Variants in ARF3 observed in about 807,000 individuals in gnomAD.
ARF3 encodes the protein ADP-ribosylation factor 3.
ARF3 carries 5 observed loss-of-function variants against 19.3 expected under a neutral mutation model. That is an observed-to-expected ratio of 0.26 (90% CI 0.14 to 0.54). The LOEUF (loss-of-function observed/expected upper bound fraction) is 0.54, where lower values mean the gene tolerates loss of function less well. Ranked by LOEUF, ARF3 falls within the 20% of genes least tolerant of loss-of-function variation. ARF3 has a pLI of 0.95. For missense variants in ARF3, 77 were observed against 234.2 expected (o/e 0.33, Z 4.38); for synonymous variants, 71 against 89.2 (o/e 0.80, Z 1.15).
Position 48,939,805 on chromosome 12 carries a change from C to T in ARF3, c.260-26G>A. On this transcript the variant is annotated intron_variant, in intron 3 of 4. Coordinates refer to ENST00000256682, the MANE Select transcript of ARF3 (RefSeq NM_001659.3). This position sits in a 1 kb window ranked among gnomAD's most constrained non-coding sequence, Gnocchi z 4.8. Reference sequence around the variant, plus strand: ...CTAGGAAGGCAGAGCATGGGCTGCACTAAGATGACAGGTAACCCCCTCCCC... The same window carrying T: ...CTAGGAAGGCAGAGCATGGGCTGCATTAAGATGACAGGTAACCCCCTCCCC... 1 of 1,613,498 alleles carries T rather than the reference C, an allele frequency of 6.2e-7. No homozygotes were observed. The highest frequency in any genetic ancestry group is 8.5e-7 in the Non-Finnish European group (1 of 1,179,674).
chr12:48,939,029 A>G lies in ARF3; in HGVS notation c.464T>C (p.Ile155Thr), dbSNP rs369528635. 6.2e-7 allele frequency: 1 copy of G among 1,613,858 alleles called. No individual in the cohort carries two copies. The highest frequency in any genetic ancestry group is 1.7e-4 in the Middle Eastern group (1 of 5,788). The change falls in exon 5 of 5, where the codon ATT (isoleucine) becomes ACT (threonine). Residue 155 changes from isoleucine to threonine, a missense_variant. Transcript: ENST00000256682. The surrounding 1 kb of genome is among the most constrained non-coding windows in gnomAD (Gnocchi z 4.8). ...CCCGCTGGTGGCACAGGTGGCCTGA[A>G]TGTACCAGTTACGGTGACGAAGGGA... The part of the protein sequence containing the change: ...LHSLRHRNWY[I>T]QATCATSGDG...
intron 1 of ARF3, among the ~76,000 whole-genome samples, chr12:48,944,995 TA>T (rs78843695): frequency 0.34 from 48,232 of 142,056 alleles, 8,573 homozygotes; most frequent in Admixed American, 0.49. Flanking sequence ...ATTAAAAATA[TA>T]AAAATTAGCT....
At chr12:48,955,901 G>A (rs1421752738) in intron 1 of ARF3, 1 of 152,204 alleles carries the variant, frequency 6.6e-6, no homozygotes, top group African/African-American at 2.4e-5. Context: ...TTCATTCGGT[G>A]AAAAGCTGAA....
intron 1 of ARF3, among the ~76,000 whole-genome samples, chr12:48,954,573 C>T (rs1286440232): frequency 1.3e-5 from 2 of 152,122 alleles, no homozygotes; most frequent in African/African-American, 4.8e-5. Context: ...ACCTTCTTTA[C>T]AGATGAAGAA....
At chr12:48,946,225 C>T (rs1940356737) in intron 1 of ARF3, among the ~76,000 whole-genome samples, 1 of 152,224 alleles carries the variant, frequency 6.6e-6, no homozygotes. Context: ...TGCCCTACCA[C>T]CAAGATGGTA....
intron 1 of ARF3, among the ~76,000 whole-genome samples, chr12:48,944,572 C>T (rs1940322181): frequency 6.6e-6 from 1 of 152,220 alleles, no homozygotes; most frequent in South Asian, 2.1e-4. Flanking sequence ...AATCTGTCCT[C>T]CCTCTAGTGC....
chr12:48,944,670 G>A (rs1812807354), intron 1 of ARF3, among the ~76,000 whole-genome samples: 1 of 152,170 alleles, frequency 6.6e-6, no homozygotes, highest in African/African-American at 2.4e-5. Context: ...CTGTCCAGTA[G>A]GATTTGGTAT....
rs943716225 is a variant in ARF3 at position 48,939,569 on chromosome 12, G to C, written c.384+86C>G. On this transcript the variant is annotated intron_variant, in intron 4 of 4. Transcript: ENST00000256682. The surrounding 1 kb of genome is among the most constrained non-coding windows in gnomAD (Gnocchi z 4.8). The stretch of plus-strand genomic sequence containing the variant: ...TCTAACATTGAGAGCATACTAAAAG[G>C]GTTAACCATATAATAGGCCCAAGAG... 8.9e-6 allele frequency: 14 copies of C among 1,578,410 alleles called. No individual in the cohort carries two copies. The highest frequency in any genetic ancestry group is 8.1e-5 in the African/African-American group (6 of 74,120).
In ARF3 at chr12:48,939,448, A is replaced by C. The variant is rs1020348132; in HGVS notation, c.384+207T>G. ...ACAGGCAAGATGAAAGAAAGATTTG[A>C]GACAATTCCTGAGGACTGAAATGTT... is the stretch of plus-strand genomic sequence containing the variant. On this transcript the variant is annotated intron_variant, in intron 4 of 4. Coordinates refer to ENST00000256682, the MANE Select transcript of ARF3 (RefSeq NM_001659.3). This position sits in a 1 kb window ranked among gnomAD's most constrained non-coding sequence, Gnocchi z 4.8. Among the ~76,000 whole-genome samples, 12 of 152,184 alleles carry C rather than the reference A, an allele frequency of 7.9e-5. No homozygotes were observed. Among genetic ancestry groups the C allele is most frequent in the African/African-American group, 2.9e-4 (12 of 41,438 alleles).
chr12:48,956,524 TC>T lies in ARF3; in HGVS notation c.-94+785del, dbSNP rs1454850717. ...ATGGCTCCATTTTCTGTTCCGGGAATCCTGGTACTTCCTAAAGAAAGAAAGC... is the reference window on the plus strand; with the variant it reads ...ATGGCTCCATTTTCTGTTCCGGGAATCTGGTACTTCCTAAAGAAAGAAAGC... On this transcript the variant is annotated intron_variant, in intron 1 of 4. Coordinates refer to ENST00000256682, the MANE Select transcript of ARF3 (RefSeq NM_001659.3). 4 of 152,238 alleles carry T rather than the reference TC, an allele frequency of 2.6e-5. No individual in the cohort carries two copies. In the East Asian group the frequency reaches 7.7e-4, roughly 29 times the overall value. 9.4% of individuals were successfully genotyped at this position (152,238 alleles called of 1,614,324 possible).
intron 1 of ARF3, among the ~76,000 whole-genome samples, chr12:48,942,244 CTT>C (rs780786823): frequency 5.1e-4 from 70 of 136,552 alleles, no homozygotes; most frequent in Admixed American, 5.2e-4. Context: ...TGCCTCAAAG[CTT>C]TTTTTTTTTT....
At chr12:48,951,066 C>A (rs186749745) in intron 1 of ARF3, among the ~76,000 whole-genome samples, 42 of 152,262 alleles carry the variant, frequency 2.8e-4, no homozygotes, top group Admixed American at 2.0e-3. Flanking sequence ...GGATTACAGG[C>A]GTGAGCCACT....
chr12:48,939,476 T>G lies in ARF3; in HGVS notation c.384+179A>C, dbSNP rs1683496963. Among the ~76,000 whole-genome samples the G allele has an allele frequency of 6.6e-6, 1 of 152,074 alleles. No individual in the cohort carries two copies. Among genetic ancestry groups the G allele is most frequent in the South Asian group, 2.1e-4 (1 of 4,820 alleles). ...CAATTCCTGAGGACTGAAATGTTGCTAAATAAAGCTTGGGGTGGGGCACAA... is the reference window on the plus strand; with the variant it reads ...CAATTCCTGAGGACTGAAATGTTGCGAAATAAAGCTTGGGGTGGGGCACAA... On this transcript the variant is annotated intron_variant, in intron 4 of 4. Coordinates refer to ENST00000256682, the MANE Select transcript of ARF3 (RefSeq NM_001659.3). The surrounding 1 kb of genome is among the most constrained non-coding windows in gnomAD (Gnocchi z 4.8).
At chr12:48,945,927 C>T (rs566295404) in intron 1 of ARF3, among the ~76,000 whole-genome samples, 7 of 152,170 alleles carry the variant, frequency 4.6e-5, no homozygotes, top group African/African-American at 1.7e-4. Context: ...CTCAGCCTCC[C>T]GAGTAGCTGG....
chr12:48,946,948 G>A lies in ARF3; in HGVS notation c.-93-5760C>T, dbSNP rs549210777. 2.4e-4 allele frequency among the ~76,000 whole-genome samples: 36 copies of A among 152,276 alleles called. 1 individual carries two copies. The South Asian group carries it at 4.6e-3, about 19-fold the overall frequency. ...CTGGCACTACCTCCTCCTCTTCAGC[G>A]TCCAGGGGAAGGAAGACCAGGGTCT... On this transcript the variant is annotated intron_variant, in intron 1 of 4. Transcript: ENST00000256682.
chr12:48,949,318 C>T (rs938449469), intron 1 of ARF3, among the ~76,000 whole-genome samples: 25 of 152,004 alleles, frequency 1.6e-4, no homozygotes, highest in Non-Finnish European at 2.8e-4. Flanking sequence ...CTCTGCCTCC[C>T]GGGTTCACAC....
chr12:48,951,568 AT>A (rs1453912961), intron 1 of ARF3, among the ~76,000 whole-genome samples: 5 of 147,300 alleles, frequency 3.4e-5, no homozygotes, highest in East Asian at 2.0e-4. Flanking sequence ...CATCACAAAA[AT>A]AAATAAATAA....
rs1371301431 is a variant in ARF3 at position 48,937,213 on chromosome 12, GTGGCCAGGAAACC to G, written c.*1721_*1733del. ...ATTGATCCATCTGCTATCAACAAAA[GTGGCCAGGAAACC>G]TGGCCCCATGGAGTGGGGCTTGGGA... On this transcript the variant is annotated 3_prime_UTR_variant, in exon 5 of 5. Transcript: ENST00000256682. The G allele has an allele frequency of 6.6e-6, 1 of 152,284 alleles. No individual in the cohort carries two copies. The highest frequency in any genetic ancestry group is 1.5e-5 in the Non-Finnish European group (1 of 68,082). The allele number at this position is 152,284 out of a possible 1,614,324, so 9.4% of individuals were successfully genotyped here. A position where few individuals can be genotyped will look rare whatever the true frequency, so the allele number is the denominator to read the frequency against.
At chr12:48,951,387 C>A (rs1262314603) in intron 1 of ARF3, among the ~76,000 whole-genome samples, 1 of 149,526 alleles carries the variant, frequency 6.7e-6, no homozygotes, top group Admixed American at 6.7e-5. Flanking sequence ...ATGGTGAGAC[C>A]CCATCTCTAC....
Sources: gnomAD v4.1 joint callset for allele counts (sites outside exome capture counted in the v4.1 genomes callset) on GRCh38, gnomAD v4.1.1 for gene constraint, Gnocchi (gnomAD v3.1) non-coding constraint, MANE v1.5 for transcripts, NCBI Gene and HGNC (gene_info 2026-07-23, HGNC 2026-07-21) for gene names.